ZNF487: variants seen among roughly 807,000 people sequenced by gnomAD.
The protein encoded by ZNF487 is zinc finger protein 487.
ZNF487 carries 4 observed loss-of-function variants against 3.0 expected under a neutral mutation model. That is an observed-to-expected ratio of 1.35 (90% CI 0.66 to 3.08). ZNF487 has a LOEUF of 3.08. Among genes scored for constraint, ZNF487 ranks in the 30% most tolerant of loss-of-function variants. ZNF487 has a pLI of 0.01. For synonymous variants in ZNF487, 55 were observed against 34.6 expected (o/e 1.59, Z -2.06); for missense variants, 146 against 98.7 (o/e 1.48, Z -2.03).
intron 1 of ZNF487, among the ~76,000 whole-genome samples, chr10:43,459,087 A>T (rs190963222): frequency 6.6e-6 from 1 of 152,132 alleles, no homozygotes. Flanking sequence ...GCTCATGTTT[A>T]ATCTCCCTAA....
chr10:43,508,767 A>AC, the ZNF487 span, among the ~76,000 whole-genome samples: 2 of 152,114 alleles, frequency 1.3e-5, no homozygotes. Flanking sequence ...AATCGTTTGA[A>AC]CCTGGGAGGC....
chr10:43,521,426 C>T, the ZNF487 span, among the ~76,000 whole-genome samples: 84 of 152,096 alleles, frequency 5.5e-4, no homozygotes, highest in African/African-American at 2.0e-3. Context: ...CCTACACTAG[C>T]GGACTATTTT....
chr10:43,498,771 T>A, the ZNF487 span, among the ~76,000 whole-genome samples: 1 of 151,596 alleles, frequency 6.6e-6, no homozygotes, highest in East Asian at 2.0e-4. Flanking sequence ...AGAAACCCTG[T>A]CTCTACTAAA....
the ZNF487 span, among the ~76,000 whole-genome samples, chr10:43,523,040 T>G: frequency 6.6e-6 from 1 of 152,238 alleles, no homozygotes; most frequent in Non-Finnish European, 1.5e-5. Flanking sequence ...AGTGCCAGAT[T>G]ACTGTGTTTT....
chr10:43,515,428 G>A, the ZNF487 span, among the ~76,000 whole-genome samples: 2 of 152,142 alleles, frequency 1.3e-5, no homozygotes, highest in East Asian at 1.9e-4. Flanking sequence ...GTCAGGGAGG[G>A]GATGTTGCCA....
At chr10:43,516,820 T>G in the ZNF487 span, among the ~76,000 whole-genome samples, 1 of 152,176 alleles carries the variant, frequency 6.6e-6, no homozygotes, top group African/African-American at 2.4e-5. Context: ...ACTGATACAC[T>G]CAGGATCAAT....
At chr10:43,464,246 T>C (rs1452235818) in intron 1 of ZNF487, among the ~76,000 whole-genome samples, 3 of 151,538 alleles carry the variant, frequency 2.0e-5, no homozygotes, top group Non-Finnish European at 2.9e-5. Flanking sequence ...TGCAGTGGCA[T>C]GATCTTGGCT....
chr10:43,466,290 C>T (rs1438012305), intron 1 of ZNF487, among the ~76,000 whole-genome samples: 2 of 151,936 alleles, frequency 1.3e-5, no homozygotes, highest in Admixed American at 6.6e-5. Context: ...GTGATCTACC[C>T]GTCTCAGCCT....
downstream of ZNF487, among the ~76,000 whole-genome samples, chr10:43,487,611 G>A (rs954304493): frequency 2.0e-5 from 3 of 151,664 alleles, no homozygotes; most frequent in Non-Finnish European, 2.9e-5. Context: ...CACCACGCCT[G>A]GCTAATTTTT....
the ZNF487 span, among the ~76,000 whole-genome samples, chr10:43,495,579 G>A: frequency 9.2e-5 from 14 of 152,118 alleles, no homozygotes; most frequent in African/African-American, 2.4e-4. Flanking sequence ...GACTCAATGC[G>A]TTAATTTCTT....
chr10:43,473,402 T>C (rs1475573957), intron 1 of ZNF487, among the ~76,000 whole-genome samples: 3 of 152,266 alleles, frequency 2.0e-5, no homozygotes, highest in African/African-American at 7.2e-5. Flanking sequence ...TAACTCTGTT[T>C]TGGGACTTTT....
At chr10:43,496,776 T>C in the ZNF487 span, among the ~76,000 whole-genome samples, 2 of 152,162 alleles carry the variant, frequency 1.3e-5, no homozygotes, top group Admixed American at 6.5e-5. Flanking sequence ...AGACTGCCAA[T>C]GTCACGTTAC....
the ZNF487 span, among the ~76,000 whole-genome samples, chr10:43,498,732 G>A: frequency 3.3e-5 from 5 of 151,828 alleles, no homozygotes; most frequent in African/African-American, 4.8e-5. Flanking sequence ...CACGAGGTCA[G>A]GAGATTGAGA....
intron 3 of ZNF487, among the ~76,000 whole-genome samples, chr10:43,479,970 CTTT>C (rs141052349): frequency 3.7e-5 from 2 of 54,230 alleles, no homozygotes; most frequent in Admixed American, 3.7e-4. Context: ...TTCTTTCTTT[CTTT>C]TCTTTCTTTC....
Position 43,483,068 on chromosome 10 carries a change from C to A in ZNF487, c.*1146C>A. The A allele has an allele frequency of 2.2e-6, 1 of 458,212 alleles. No homozygotes were observed. The highest frequency in any genetic ancestry group is 4.4e-6 in the Non-Finnish European group (1 of 227,476). The allele number at this position is 458,212 out of a possible 1,614,324, so 28.4% of individuals were successfully genotyped here. ...GTCAGAGAGACAACATAGAGGAAAC[C>A]CTTGTCAACATCCTGAAGGCTCAGA... On this transcript the variant is annotated 3_prime_UTR_variant, in exon 4 of 4. Transcript: ENST00000437590.
the ZNF487 span, among the ~76,000 whole-genome samples, chr10:43,516,538 G>A: frequency 1.3e-5 from 2 of 152,194 alleles, no homozygotes; most frequent in East Asian, 1.9e-4. Flanking sequence ...ACATCATCAC[G>A]AGGTCCCACA....
chr10:43,516,165 T>C, the ZNF487 span, among the ~76,000 whole-genome samples: 1 of 152,296 alleles, frequency 6.6e-6, no homozygotes, highest in South Asian at 2.1e-4. Flanking sequence ...TCTCCACATA[T>C]GGTCAAAGGT....
intron 3 of ZNF487, among the ~76,000 whole-genome samples, chr10:43,478,893 GTTCTTTT>G (rs978512668): frequency 1.3e-4 from 19 of 150,376 alleles, no homozygotes; most frequent in African/African-American, 4.1e-4. Context: ...TTTTGATGCA[GTTCTTTT>G]TTCTTTTTTC....
At chr10:43,493,138 G>A in the ZNF487 span, among the ~76,000 whole-genome samples, 1 of 152,178 alleles carries the variant, frequency 6.6e-6, no homozygotes, top group Non-Finnish European at 1.5e-5. Flanking sequence ...GCTGAGGCAG[G>A]AGAATTCCTT....
Sources: allele counts gnomAD v4.1 joint callset (sites outside exome capture counted in the v4.1 genomes callset), GRCh38; gene constraint gnomAD v4.1.1; transcripts MANE v1.5; gene names NCBI Gene and HGNC (gene_info 2026-07-23, HGNC 2026-07-21).